Variants in DZIP3 observed in about 807,000 individuals in gnomAD.
The protein encoded by DZIP3 is DAZ interacting zinc finger protein 3.
DZIP3 carries 118 observed loss-of-function variants against 162.0 expected under a neutral mutation model. The ratio of observed to expected loss-of-function variants is 0.73; its 90% confidence interval spans 0.63 to 0.85. The LOEUF is 0.85. Among genes scored for constraint, DZIP3 ranks in the 40% least tolerant of loss-of-function variants. The pLI, the probability that DZIP3 is intolerant of heterozygous loss-of-function variation, is 0.00. For missense variants in DZIP3, 1,331 were observed against 1,407.0 expected (o/e 0.95, Z 0.86); for synonymous variants, 438 against 458.6 (o/e 0.96, Z 0.57).
intron 17 of DZIP3, 108 bp from the exon 18 acceptor site, chr3:108,651,029 T>C: frequency 2.6e-6 from 1 of 378,418 alleles, no homozygotes. Flanking sequence ...ATTTCTTTAG[T>C]TATGATCAAA....
rs1943636346 is a variant in DZIP3 at position 108,665,634 on chromosome 3, AG to A, written c.2423+3378del. On this transcript the variant is annotated intron_variant, in intron 21 of 32. Coordinates refer to ENST00000361582, the MANE Select transcript of DZIP3 (RefSeq NM_014648.4). Reference sequence around the variant, plus strand: ...TTCAGAAACTAAGTGAACCCCGAATAGCAAAAACTCAAATCCATGCTAAGAC... The same window carrying A: ...TTCAGAAACTAAGTGAACCCCGAATACAAAAACTCAAATCCATGCTAAGAC... Among the ~76,000 whole-genome samples the A allele has an allele frequency of 1.3e-5, 2 of 152,190 alleles. 1 individual carries two copies. The highest frequency in any genetic ancestry group is 4.1e-4 in the South Asian group (2 of 4,836).
intron 17 of DZIP3, 96 bp from the exon 18 acceptor site, chr3:108,651,041 A>AT: frequency 4.5e-6 from 2 of 445,264 alleles, no homozygotes; most frequent in Non-Finnish European, 3.5e-6. Context: ...ATGATCAAAA[A>AT]TTTTTTGAGA....
chr3:108,648,881 G>GA (rs779859721), intron 16 of DZIP3, 37 bp from the exon 17 acceptor site: 7 of 1,079,870 alleles, frequency 6.5e-6, no homozygotes, highest in East Asian at 1.3e-4. Flanking sequence ...TGGGCAATTT[G>GA]AATTACATAT....
intron 7 of DZIP3, 63 bp downstream of exon 7, chr3:108,626,032 A>G: frequency 4.5e-6 from 7 of 1,563,428 alleles, no homozygotes; most frequent in Non-Finnish European, 5.2e-6. Context: ...AAATGGAAGT[A>G]AGTGTGCACA....
chr3:108,660,884 A>C (rs1209612929), intron 19 of DZIP3, among the ~76,000 whole-genome samples: 1 of 152,244 alleles, frequency 6.6e-6, no homozygotes, highest in South Asian at 2.1e-4. Context: ...AGATGAAAAA[A>C]TACTCATCAT....
Position 108,646,279 on chromosome 3 carries a change from C to A in DZIP3, c.1760-338C>A, listed in dbSNP as rs369205102. 1.3e-4 allele frequency among the ~76,000 whole-genome samples: 20 copies of A among 152,160 alleles called. No homozygotes were observed. In the East Asian group the frequency reaches 1.5e-3, roughly 12 times the overall value. The stretch of plus-strand genomic sequence containing the variant: ...ATTGCTAAAAATAGGTCCCAACTTT[C>A]AGTGGAGGTTTGCTGTGTAATTAAC... On this transcript the variant is annotated intron_variant, in intron 14 of 32. Coordinates refer to ENST00000361582, the MANE Select transcript of DZIP3 (RefSeq NM_014648.4).
chr3:108,673,174 CAA>C (rs1943987163), intron 23 of DZIP3, among the ~76,000 whole-genome samples: 1 of 151,798 alleles, frequency 6.6e-6, no homozygotes, highest in Admixed American at 6.6e-5. Flanking sequence ...TTATACATAA[CAA>C]AACTTGATAT....
chr3:108,621,046 G>A (rs992508289), intron 5 of DZIP3, among the ~76,000 whole-genome samples: 1 of 152,000 alleles, frequency 6.6e-6, no homozygotes, highest in Non-Finnish European at 1.5e-5. Context: ...TGGTCTCGAT[G>A]TCCTGACCTT....
chr3:108,632,482 A>G (rs1941935593), intron 8 of DZIP3, among the ~76,000 whole-genome samples: 2 of 152,158 alleles, frequency 1.3e-5, no homozygotes, highest in South Asian at 4.1e-4. Context: ...TCTCTACTGT[A>G]CTTTTGCCCA....
intron 31 of DZIP3, among the ~76,000 whole-genome samples, chr3:108,689,167 C>G (rs1944602067): frequency 6.6e-6 from 1 of 152,160 alleles, no homozygotes; most frequent in Non-Finnish European, 1.5e-5. Context: ...TCAGATGGTA[C>G]ACAGTAGGCA....
intron 26 of DZIP3, among the ~76,000 whole-genome samples, chr3:108,681,325 A>G (rs1325308072): frequency 6.6e-6 from 1 of 152,236 alleles, no homozygotes; most frequent in Non-Finnish European, 1.5e-5. Flanking sequence ...AAACATATGA[A>G]AAAAAGCTCA....
intron 5 of DZIP3, among the ~76,000 whole-genome samples, chr3:108,621,809 A>G (rs1941363657): frequency 6.6e-6 from 1 of 152,222 alleles, no homozygotes; most frequent in Non-Finnish European, 1.5e-5. Context: ...TTGCATTCTC[A>G]TGTTTATTGC....
rs1401068523 is a variant in DZIP3 at position 108,648,910 on chromosome 3, C to T, written c.1963-8C>T. 8.6e-7 allele frequency: 1 copy of T among 1,160,104 alleles called. No individual in the cohort carries two copies. The highest frequency in any genetic ancestry group is 1.1e-6 in the Non-Finnish European group (1 of 878,630). 71.9% of individuals were successfully genotyped at this position (1,160,104 alleles called of 1,614,324 possible). ...TACATATTTAATAAATAATTTTTTA[C>T]CTACTAGGTTAAGAGTAAACAAAGG... is the stretch of plus-strand genomic sequence containing the variant. On this transcript the variant is annotated splice_region_variant and splice_polypyrimidine_tract_variant and intron_variant, in intron 16 of 32. Coordinates refer to ENST00000361582, the MANE Select transcript of DZIP3 (RefSeq NM_014648.4).
At chr3:108,670,828 A>C (rs1326779645) in intron 22 of DZIP3, among the ~76,000 whole-genome samples, 1 of 151,824 alleles carries the variant, frequency 6.6e-6, no homozygotes, top group Non-Finnish European at 1.5e-5. Flanking sequence ...CCATTGTATT[A>C]TGTGTGAAGT....
At chr3:108,595,336 A>G (rs62266406) in intron 1 of DZIP3, among the ~76,000 whole-genome samples, 2,985 of 152,162 alleles carry the variant, frequency 0.02, 41 homozygotes, top group Non-Finnish European at 0.025. Flanking sequence ...CTCCCACTTT[A>G]GCCTCTGAGT....
intron 8 of DZIP3, 25 bp from the exon 9 acceptor site, chr3:108,632,928 A>C: frequency 7.9e-7 from 1 of 1,266,374 alleles, no homozygotes; most frequent in Admixed American, 2.7e-5. Flanking sequence ...AATTCATGAG[A>C]ATTCTTTCTG....
At chr3:108,601,509 A>G (rs1458853005) in intron 1 of DZIP3, among the ~76,000 whole-genome samples, 6 of 152,194 alleles carry the variant, frequency 3.9e-5, no homozygotes, top group Admixed American at 3.9e-4. Context: ...AGCGTGGAGA[A>G]AAGTATGAGC....
At chr3:108,659,994 C>T (rs1313408431) in intron 19 of DZIP3, among the ~76,000 whole-genome samples, 2 of 152,092 alleles carry the variant, frequency 1.3e-5, no homozygotes. Context: ...AAAGAGGATA[C>T]AAAGAAATGG....
At chr3:108,614,800 A>G (rs371726805) in intron 4 of DZIP3, among the ~76,000 whole-genome samples, 12 of 152,190 alleles carry the variant, frequency 7.9e-5, no homozygotes, top group African/African-American at 2.6e-4. Context: ...TGTATTTTTG[A>G]GTTTTCCAAA....
Sources: allele counts gnomAD v4.1 joint callset (sites outside exome capture counted in the v4.1 genomes callset), GRCh38; gene constraint gnomAD v4.1.1; transcripts MANE v1.5; gene names NCBI Gene and HGNC (gene_info 2026-07-23, HGNC 2026-07-21).